Variants in SDAD1 observed in about 807,000 individuals in gnomAD.
SDAD1 encodes the protein SDA1 domain containing 1.
In SDAD1, 79 loss-of-function variants were observed where a neutral mutation model predicts 100.3. That is an observed-to-expected ratio of 0.79 (90% CI 0.66 to 0.95). The LOEUF (loss-of-function observed/expected upper bound fraction) is 0.95. Among genes scored for constraint, SDAD1 ranks in the 40% least tolerant of loss-of-function variants. SDAD1 has a pLI of 0.00. For missense variants in SDAD1, 790 were observed against 810.9 expected (o/e 0.97, Z 0.31); for synonymous variants, 267 against 271.4 (o/e 0.98, Z 0.16).
chr4:75,972,982 C>T (rs889130354), intron 8 of SDAD1, among the ~76,000 whole-genome samples: 4 of 151,950 alleles, frequency 2.6e-5, no homozygotes, highest in African/African-American at 4.8e-5. Context: ...GACCACACCA[C>T]TGCCCTCCAG....
intron 17 of SDAD1, among the ~76,000 whole-genome samples, chr4:75,958,904 T>C (rs1190226516): frequency 6.6e-6 from 1 of 150,952 alleles, no homozygotes; most frequent in African/African-American, 2.4e-5. Flanking sequence ...GAGACCATCC[T>C]AGCTAAAACG....
intron 1 of SDAD1, among the ~76,000 whole-genome samples, chr4:75,987,751 C>T (rs964738537): frequency 4.6e-5 from 7 of 152,300 alleles, no homozygotes; most frequent in Admixed American, 3.3e-4. Flanking sequence ...ATTCACCCAC[C>T]TTGGCCTCCC....
At chr4:75,958,064 A>G (rs1729008116) in intron 17 of SDAD1, 123 bp from the exon 18 acceptor site, 1 of 785,314 alleles carries the variant, frequency 1.3e-6, no homozygotes, top group African/African-American at 1.7e-5. Flanking sequence ...CCAAGAACTG[A>G]GCAATATTTA....
Position 75,957,506 on chromosome 4 carries a change from G to A in SDAD1, c.1769+12C>T. On this transcript the variant is annotated intron_variant, in intron 19 of 21. Transcript: ENST00000356260. ...AGCTGACTGAAGTACTAAAGTGGATGTGCCATTTTACCTGGGCTCTTCATC... is the reference window on the plus strand; with the variant it reads ...AGCTGACTGAAGTACTAAAGTGGATATGCCATTTTACCTGGGCTCTTCATC... 3 of 1,613,114 alleles carry A rather than the reference G, an allele frequency of 1.9e-6. No individual in the cohort carries two copies. The highest frequency in any genetic ancestry group is 2.5e-6 in the Non-Finnish European group (3 of 1,179,152).
chr4:75,974,239 T>A, intron 6 of SDAD1, 106 bp from the exon 7 acceptor site: 3 of 882,764 alleles, frequency 3.4e-6, no homozygotes, highest in Non-Finnish European at 5.6e-6. Context: ...TGTGACGTAC[T>A]AGAATTCCCA....
chr4:75,989,757 A>G (rs192063496), intron 1 of SDAD1, among the ~76,000 whole-genome samples: 73 of 152,078 alleles, frequency 4.8e-4, no homozygotes, highest in African/African-American at 1.7e-3. Context: ...CTTGTTTCCT[A>G]CTCTTTATTT....
intron 3 of SDAD1, 74 bp downstream of exon 3, chr4:75,981,298 G>T: frequency 7.4e-7 from 1 of 1,353,706 alleles, no homozygotes; most frequent in South Asian, 1.2e-5. Context: ...CTTAGAGGCT[G>T]TTCTCATTTA....
chr4:75,979,972 G>A (rs1730404253), intron 3 of SDAD1, among the ~76,000 whole-genome samples: 1 of 151,482 alleles, frequency 6.6e-6, no homozygotes, highest in South Asian at 2.1e-4. Context: ...CTCCCAAGAA[G>A]CCGGGACTAC....
chr4:75,990,867 G>T lies in SDAD1; in HGVS notation c.-26C>A. The T allele has an allele frequency of 6.2e-6, 10 of 1,613,850 alleles. No homozygotes were observed. Among genetic ancestry groups the T allele is most frequent in the Non-Finnish European group, 6.8e-6 (8 of 1,179,976 alleles). On this transcript the variant is annotated 5_prime_UTR_variant, in exon 1 of 22. Coordinates refer to ENST00000356260, the MANE Select transcript of SDAD1 (RefSeq NM_018115.4). ...TTTGGCTGCAGACAGACTTCGCGGC[G>T]AGCAGTTTTAAAAAAACTCAGACGG...
chr4:75,959,926 A>G, intron 17 of SDAD1, 140 bp downstream of exon 17: 1 of 829,762 alleles, frequency 1.2e-6, no homozygotes, highest in Non-Finnish European at 1.7e-6. Context: ...TTGATCCCCC[A>G]TACTTCTAAC....
intron 21 of SDAD1, among the ~76,000 whole-genome samples, chr4:75,954,001 T>C (rs1034573895): frequency 1.3e-5 from 2 of 152,198 alleles, no homozygotes; most frequent in African/African-American, 4.8e-5. Flanking sequence ...GGAAGGATCA[T>C]GCCAACACAC....
chr4:75,970,475 C>T (rs1002014949), intron 9 of SDAD1, 97 bp from the exon 10 acceptor site: 4 of 811,374 alleles, frequency 4.9e-6, no homozygotes, highest in Non-Finnish European at 7.5e-6. Flanking sequence ...CCATTAGACT[C>T]TTTAAAAAGA....
intron 4 of SDAD1, among the ~76,000 whole-genome samples, chr4:75,976,895 G>A (rs1205271620): frequency 6.6e-6 from 1 of 152,162 alleles, no homozygotes; most frequent in East Asian, 1.9e-4. Flanking sequence ...TCAAACAGTG[G>A]TAGTCTCTTA....
intron 13 of SDAD1, among the ~76,000 whole-genome samples, chr4:75,965,327 T>A (rs575370942): frequency 3.9e-5 from 6 of 152,312 alleles, no homozygotes; most frequent in South Asian, 2.1e-4. Flanking sequence ...AAACCCTGTC[T>A]CCTGATAAGA....
chr4:75,959,097 C>CAAAAAAAAAAAAA (rs61245198), intron 17 of SDAD1, among the ~76,000 whole-genome samples: 8 of 54,986 alleles, frequency 1.5e-4, no homozygotes, highest in African/African-American at 1.6e-4. Context: ...GACTCTGTCT[C>CAAAAAAAAAAAAA]AAAAAAAAAA....
chr4:75,967,742 T>C (rs998661157), intron 11 of SDAD1, among the ~76,000 whole-genome samples: 3 of 152,156 alleles, frequency 2.0e-5, no homozygotes, highest in South Asian at 4.1e-4. Context: ...CAAATCTGAA[T>C]AGCACCGAGT....
intron 3 of SDAD1, among the ~76,000 whole-genome samples, chr4:75,978,356 A>ATT (rs200819418): frequency 1.6e-5 from 2 of 123,104 alleles, no homozygotes; most frequent in African/African-American, 3.0e-5. Context: ...GTACCCAGCT[A>ATT]TTTTTTTTTT....
At chr4:75,984,356 G>A (rs1014477273) in intron 1 of SDAD1, among the ~76,000 whole-genome samples, 12 of 151,776 alleles carry the variant, frequency 7.9e-5, no homozygotes, top group African/African-American at 1.5e-4. Flanking sequence ...TTGTAGAGAC[G>A]GGATCTCTTT....
intron 4 of SDAD1, 110 bp from the exon 5 acceptor site, chr4:75,976,105 TC>T (rs1215596160): frequency 1.5e-6 from 1 of 668,382 alleles, no homozygotes; most frequent in Non-Finnish European, 2.4e-6. Flanking sequence ...TACCTATTTT[TC>T]ATTCTATCCC....
Sources: allele counts gnomAD v4.1 joint callset (sites outside exome capture counted in the v4.1 genomes callset), GRCh38; gene constraint gnomAD v4.1.1; transcripts MANE v1.5; gene names NCBI Gene and HGNC (gene_info 2026-07-23, HGNC 2026-07-21).